The following LINGO2 variants were observed in gnomAD, a reference collection of about 807,000 sequenced individuals.
The protein encoded by LINGO2 is leucine rich repeat and Ig domain containing 2.
Under a neutral mutation model 30.6 loss-of-function variants are expected in LINGO2, and 14 were observed. The observed-to-expected ratio is 0.46, with a 90% confidence interval of 0.30 to 0.72. LINGO2 has a LOEUF of 0.72. Among genes scored for constraint, LINGO2 ranks in the 30% least tolerant of loss-of-function variants. The probability of loss-of-function intolerance (pLI) is 0.07; values close to 1 mark genes in which losing one functional copy is unlikely to be tolerated. For synonymous variants in LINGO2, 317 were observed against 288.5 expected (o/e 1.10, Z -1.00); for missense variants, 729 against 751.7 (o/e 0.97, Z 0.35).
At chr9:28,540,810 T>G (rs1821659914) in intron 1 of LINGO2, among the ~76,000 whole-genome samples, 1 of 152,176 alleles carries the variant, frequency 6.6e-6, no homozygotes, top group Admixed American at 6.6e-5. Flanking sequence ...AGTATTCTAG[T>G]TTATTTGTAT....
chr9:28,790,325 CTTTTTT>C, the LINGO2 span, among the ~76,000 whole-genome samples: 657 of 106,266 alleles, frequency 6.2e-3, 11 homozygotes, highest in African/African-American at 0.023. Flanking sequence ...TCTTTTCTTT[CTTTTTT>C]TTTTTTTTTT....
intron 4 of LINGO2, among the ~76,000 whole-genome samples, chr9:28,014,747 C>G (rs1424399014): frequency 6.6e-6 from 1 of 152,048 alleles, no homozygotes; most frequent in African/African-American, 2.4e-5. Flanking sequence ...ACTGTCTGAC[C>G]TTGAAGGGCC....
chr9:27,975,408 G>C (rs891065707), intron 5 of LINGO2, among the ~76,000 whole-genome samples: 1 of 151,948 alleles, frequency 6.6e-6, no homozygotes, highest in Non-Finnish European at 1.5e-5. Flanking sequence ...GGGGGGCTGG[G>C]GTTGAGGAAG....
intron 4 of LINGO2, among the ~76,000 whole-genome samples, chr9:28,046,431 CTG>C (rs1418134257): frequency 5.9e-5 from 9 of 152,270 alleles, no homozygotes; most frequent in Non-Finnish European, 7.4e-5. Context: ...GCATTTCTAA[CTG>C]TGGTTTTTGG....
At chr9:29,034,446 G>A in the LINGO2 span, among the ~76,000 whole-genome samples, 1 of 152,090 alleles carries the variant, frequency 6.6e-6, no homozygotes, top group Non-Finnish European at 1.5e-5. Flanking sequence ...AAGTGGCCCA[G>A]CAAACTGTAA....
chr9:28,672,482 T>C (rs1214743860), upstream of LINGO2, among the ~76,000 whole-genome samples: 2 of 152,204 alleles, frequency 1.3e-5, no homozygotes, highest in Non-Finnish European at 2.9e-5. Flanking sequence ...CAACAAGATA[T>C]GTACACTGTC....
chr9:28,540,348 C>T lies in LINGO2; in HGVS notation c.-364-64323G>A, dbSNP rs970042729. Among the ~76,000 whole-genome samples, 7 of 152,030 alleles carry T rather than the reference C, an allele frequency of 4.6e-5. 1 individual carries two copies. In the South Asian group the frequency reaches 1.5e-3, roughly 32 times the overall value. ...AATTACAGCTCACTGCAGCTTCAAC[C>T]TCTCCAGGCTCAGGCGTTCCTCCCA... On this transcript the variant is annotated intron_variant, in intron 1 of 5. Transcript: ENST00000379992.
intron 5 of LINGO2, among the ~76,000 whole-genome samples, chr9:27,967,016 G>A (rs994930971): frequency 2.0e-5 from 3 of 152,114 alleles, no homozygotes; most frequent in African/African-American, 7.2e-5. Context: ...GGATATTCTT[G>A]AACAAAAGAT....
intron 2 of LINGO2, among the ~76,000 whole-genome samples, chr9:28,397,596 G>T (rs1366998307): frequency 1.4e-5 from 2 of 145,302 alleles, no homozygotes; most frequent in Non-Finnish European, 3.0e-5. Context: ...CGCCCAGGGT[G>T]GAGTGCAGTG....
At chr9:28,372,462 A>C (rs1820941005) in intron 3 of LINGO2, among the ~76,000 whole-genome samples, 2 of 152,198 alleles carry the variant, frequency 1.3e-5, no homozygotes, top group Admixed American at 1.3e-4. Context: ...AAACAGCTGA[A>C]GTCACAGAAA....
chr9:28,444,883 G>T (rs913471958), intron 2 of LINGO2, among the ~76,000 whole-genome samples: 3 of 152,210 alleles, frequency 2.0e-5, no homozygotes, highest in Non-Finnish European at 4.4e-5. Flanking sequence ...CAGGCTGGTA[G>T]TGCAAGCCAA....
the LINGO2 span, among the ~76,000 whole-genome samples, chr9:28,714,883 G>C: frequency 6.6e-6 from 1 of 152,062 alleles, no homozygotes; most frequent in South Asian, 2.1e-4. Context: ...TACCATGAAA[G>C]TTCTGTAATG....
intron 2 of LINGO2, among the ~76,000 whole-genome samples, chr9:28,414,764 G>A (rs560345369): frequency 6.6e-6 from 1 of 151,982 alleles, no homozygotes; most frequent in Non-Finnish European, 1.5e-5. Flanking sequence ...ATTGTTCTGT[G>A]TTTTTGCCAC....
At chr9:28,572,901 A>C (rs1304030002) in intron 1 of LINGO2, among the ~76,000 whole-genome samples, 1 of 152,160 alleles carries the variant, frequency 6.6e-6, no homozygotes, top group Non-Finnish European at 1.5e-5. Context: ...TGTCCTTCAA[A>C]GTAAGATTGC....
chr9:28,627,937 T>C (rs753126146), intron 1 of LINGO2, among the ~76,000 whole-genome samples: 38 of 152,118 alleles, frequency 2.5e-4, no homozygotes, highest in African/African-American at 4.8e-4. Flanking sequence ...TAAATTTTTA[T>C]ATAACTATGG....
the LINGO2 span, among the ~76,000 whole-genome samples, chr9:28,739,943 T>C: frequency 7.8e-6 from 1 of 128,664 alleles, no homozygotes; most frequent in Non-Finnish European, 1.6e-5. Flanking sequence ...TGTGTGTATA[T>C]ATATATATTT....
At chr9:28,299,525 C>A (rs1824056465) in intron 3 of LINGO2, among the ~76,000 whole-genome samples, 1 of 151,978 alleles carries the variant, frequency 6.6e-6, no homozygotes, top group African/African-American at 2.4e-5. Context: ...TTAACAACTA[C>A]CACTAATACT....
chr9:28,793,962 A>G, the LINGO2 span, among the ~76,000 whole-genome samples: 5 of 152,280 alleles, frequency 3.3e-5, no homozygotes, highest in South Asian at 8.3e-4. Flanking sequence ...AATAAATAAA[A>G]CAATCTCCAC....
chr9:28,263,512 A>G (rs1822638212), intron 4 of LINGO2, among the ~76,000 whole-genome samples: 1 of 151,978 alleles, frequency 6.6e-6, no homozygotes. Flanking sequence ...TCCTATCTCA[A>G]GATTTGCCTA....
Sources: allele counts gnomAD v4.1 joint callset (sites outside exome capture counted in the v4.1 genomes callset), GRCh38; gene constraint gnomAD v4.1.1; transcripts MANE v1.5; gene names NCBI Gene and HGNC (gene_info 2026-07-23, HGNC 2026-07-21).